VPS13B: variants seen among roughly 807,000 people sequenced by gnomAD.
VPS13B encodes the protein intermembrane lipid transfer protein VPS13B.
VPS13B carries 285 observed loss-of-function variants against 426.4 expected under a neutral mutation model. The observed-to-expected ratio is 0.67, with a 90% CI of 0.61 to 0.74. VPS13B has a LOEUF of 0.74. VPS13B is among the 30% of genes least tolerant of loss of function. VPS13B has a pLI of 0.00. For missense variants in VPS13B, 4,537 were observed against 4,782.6 expected (o/e 0.95, Z 1.51); for synonymous variants, 1,676 against 1,676.4 (o/e 1.00, Z 0.01).
intron 20 of VPS13B, among the ~76,000 whole-genome samples, chr8:99,386,472 C>T (rs1374792709): frequency 6.6e-6 from 1 of 152,088 alleles, no homozygotes; most frequent in Non-Finnish European, 1.5e-5. Flanking sequence ...CCTATTGCTC[C>T]TAGGGTACAA....
At chr8:99,170,288 A>G in intron 16 of VPS13B, 125 bp downstream of exon 16, 1 of 1,238,406 alleles carries the variant, frequency 8.1e-7, no homozygotes, top group Non-Finnish European at 1.1e-6. Flanking sequence ...AAAAATCTAA[A>G]CTTGTACTTT....
chr8:99,237,185 T>C (rs1318862435), intron 17 of VPS13B, among the ~76,000 whole-genome samples: 3 of 152,216 alleles, frequency 2.0e-5, no homozygotes, highest in Non-Finnish European at 4.4e-5. Context: ...TGTAAATTGC[T>C]CAGTCTCGGG....
chr8:99,587,069 A>C (rs1826341483), intron 33 of VPS13B, among the ~76,000 whole-genome samples: 1 of 151,972 alleles, frequency 6.6e-6, no homozygotes, highest in Admixed American at 6.6e-5. Flanking sequence ...GAGAACATGC[A>C]GTGTTTGGTT....
intron 44 of VPS13B, among the ~76,000 whole-genome samples, chr8:99,813,793 A>G (rs1020279293): frequency 2.0e-5 from 3 of 152,220 alleles, no homozygotes; most frequent in Non-Finnish European, 2.9e-5. Context: ...TAAAACAACA[A>G]TGACATTTAA....
At chr8:99,159,429 A>T (rs1008021803) in intron 15 of VPS13B, among the ~76,000 whole-genome samples, 2 of 152,218 alleles carry the variant, frequency 1.3e-5, no homozygotes, top group African/African-American at 4.8e-5. Context: ...TTAAAATGCC[A>T]TCAAACCTCA....
chr8:99,475,647 TTTG>T (rs1380462297), intron 24 of VPS13B, among the ~76,000 whole-genome samples: 1 of 152,202 alleles, frequency 6.6e-6, no homozygotes, highest in Non-Finnish European at 1.5e-5. Flanking sequence ...AAGCTCAGAT[TTTG>T]TTGTTGTTTA....
intron 3 of VPS13B, among the ~76,000 whole-genome samples, chr8:99,048,965 G>C (rs1843376442): frequency 6.6e-6 from 1 of 152,138 alleles, no homozygotes; most frequent in Non-Finnish European, 1.5e-5. Context: ...TATTTTGTCT[G>C]ATATAAGGAT....
At chr8:99,135,462 C>G (rs1159989319) in intron 10 of VPS13B, 134 bp from the exon 11 acceptor site, 2 of 1,192,686 alleles carry the variant, frequency 1.7e-6, no homozygotes, top group African/African-American at 3.1e-5. Flanking sequence ...GAAGGTGGAG[C>G]AGCAGCATTC....
At position 99,526,944 on chromosome 8, in the gene VPS13B, G is replaced by A. The variant is rs375310724; in HGVS notation, c.4745+5934G>A. ...TGATTGGGTGTGATACTGTTACTGTGTTATACTGATATGCCACTTCAGAGG... is the reference window on the plus strand; with the variant it reads ...TGATTGGGTGTGATACTGTTACTGTATTATACTGATATGCCACTTCAGAGG... On this transcript the variant is annotated intron_variant, in intron 30 of 61. Coordinates refer to ENST00000357162, the MANE Select transcript of VPS13B (RefSeq NM_152564.5). Among the ~76,000 whole-genome samples the A allele has an allele frequency of 8.0e-4, 122 of 152,176 alleles. 1 individual carries two copies. The Middle Eastern group carries it at 0.024, about 30-fold the overall frequency.
chr8:99,625,005 A>G (rs1805140661), intron 33 of VPS13B, among the ~76,000 whole-genome samples: 1 of 151,826 alleles, frequency 6.6e-6, no homozygotes. Context: ...TTTGTTTTTT[A>G]GTAGAGACGG....
chr8:99,859,916 G>GA (rs1307833619), intron 57 of VPS13B, among the ~76,000 whole-genome samples: 1 of 152,194 alleles, frequency 6.6e-6, no homozygotes, highest in Non-Finnish European at 1.5e-5. Context: ...ATTTGGGGGT[G>GA]AAACAGCCAA....
At chr8:99,039,530 A>G (rs2132225373) in intron 3 of VPS13B, among the ~76,000 whole-genome samples, 1 of 149,430 alleles carries the variant, frequency 6.7e-6, no homozygotes, top group East Asian at 1.9e-4. Context: ...TGTGTCTGTC[A>G]TTCATTTTTA....
chr8:99,305,539 T>C (rs1180336427), intron 19 of VPS13B, among the ~76,000 whole-genome samples: 2 of 152,120 alleles, frequency 1.3e-5, no homozygotes, highest in African/African-American at 4.8e-5. Flanking sequence ...TTACTGTGTC[T>C]TTATTAAAGC....
chr8:99,574,436 T>G (rs1248276630), intron 31 of VPS13B, among the ~76,000 whole-genome samples: 3 of 152,176 alleles, frequency 2.0e-5, no homozygotes, highest in African/African-American at 7.2e-5. Context: ...TTGGCTTGGG[T>G]TTGTCATAAA....
intron 33 of VPS13B, among the ~76,000 whole-genome samples, chr8:99,599,375 C>G (rs1216606878): frequency 6.6e-6 from 1 of 152,020 alleles, no homozygotes; most frequent in East Asian, 1.9e-4. Flanking sequence ...CTACTGTTCT[C>G]TGATTTCTAA....
chr8:99,671,697 A>T (rs1830723820), intron 35 of VPS13B, among the ~76,000 whole-genome samples: 1 of 151,982 alleles, frequency 6.6e-6, no homozygotes, highest in Admixed American at 6.6e-5. Context: ...TCACTCTGTT[A>T]CCTAGGCTGG....
rs571672935 is a variant in VPS13B, at chr8:99,697,397, G to A, written c.6047-2128G>A. On this transcript the variant is annotated intron_variant, in intron 35 of 61. Coordinates refer to ENST00000357162, the MANE Select transcript of VPS13B (RefSeq NM_152564.5). ...AAGCAGTCCTGTGGTCAGAGACCCT[G>A]AAGGACACTGCCCCCTGCTAGAGAG... 1.4e-5 allele frequency: 9 copies of A among 627,420 alleles called. No individual in the cohort carries two copies. In the South Asian group the frequency reaches 1.5e-4, roughly 11 times the overall value. 38.9% of individuals were successfully genotyped at this position (627,420 alleles called of 1,614,324 possible). A position where few individuals can be genotyped will look rare whatever the true frequency, so the allele number is the denominator to read the frequency against.
intron 51 of VPS13B, among the ~76,000 whole-genome samples, chr8:99,824,695 C>T (rs999906218): frequency 6.6e-6 from 1 of 151,816 alleles, no homozygotes; most frequent in Non-Finnish European, 1.5e-5. Flanking sequence ...ACCCATCAAC[C>T]CGTCATCTAC....
At chr8:99,289,201 A>G (rs556064020) in intron 19 of VPS13B, among the ~76,000 whole-genome samples, 39 of 152,292 alleles carry the variant, frequency 2.6e-4, no homozygotes, top group Non-Finnish European at 5.0e-4. Context: ...AACTAATGGA[A>G]GTTAATACTC....
Sources: gnomAD v4.1 joint callset for allele counts (sites outside exome capture counted in the v4.1 genomes callset) on GRCh38, gnomAD v4.1.1 for gene constraint, MANE v1.5 for transcripts, NCBI Gene and HGNC (gene_info 2026-07-23, HGNC 2026-07-21) for gene names.